The following RANBP17 variants were observed in gnomAD, a reference collection of about 807,000 sequenced individuals.
The protein encoded by RANBP17 is RAN binding protein 17.
RANBP17 carries 158 observed loss-of-function variants against 141.2 expected under a neutral mutation model. The observed-to-expected ratio is 1.12, with a 90% confidence interval of 0.98 to 1.28. The LOEUF is 1.28. Ranked by LOEUF, RANBP17 falls within the 50% of genes most tolerant of loss-of-function variation. The pLI is 0.00. For missense variants in RANBP17, 1,438 were observed against 1,290.7 expected (o/e 1.11, Z -1.75); for synonymous variants, 430 against 450.0 (o/e 0.96, Z 0.56).
chr5:171,145,433 C>G (rs1249876595), intron 14 of RANBP17, among the ~76,000 whole-genome samples: 2 of 151,974 alleles, frequency 1.3e-5, no homozygotes, highest in Non-Finnish European at 2.9e-5. Flanking sequence ...GAAGCAGAAA[C>G]TTTTCTTTAG....
chr5:170,912,749 G>A (rs1038789386), intron 7 of RANBP17, among the ~76,000 whole-genome samples: 1 of 151,780 alleles, frequency 6.6e-6, no homozygotes. Context: ...GAGGTGTGAC[G>A]GTTAGGAGTT....
intron 14 of RANBP17, among the ~76,000 whole-genome samples, chr5:171,035,737 G>GTTTTTTTTTTTTTTTTTTTTT (rs781327156): frequency 2.1e-5 from 2 of 95,456 alleles, no homozygotes; most frequent in Non-Finnish European, 4.9e-5. Flanking sequence ...TTCTTTTTTT[G>GTTTTTTTTTTTTTTTTTTTTT]TTTTTTTTTT....
intron 14 of RANBP17, among the ~76,000 whole-genome samples, chr5:171,063,863 A>T: frequency 6.6e-6 from 1 of 152,336 alleles, no homozygotes; most frequent in East Asian, 1.9e-4. Context: ...AGCCTGGGCA[A>T]TGGCGGGCGC....
In RANBP17 at chr5:171,181,841, G is replaced by A. The variant is rs79770554; in HGVS notation, c.1866-1326G>A. 9.2e-5 allele frequency among the ~76,000 whole-genome samples: 14 copies of A among 152,234 alleles called. No homozygotes were observed. In the East Asian group the frequency reaches 2.1e-3, roughly 23 times the overall value. The stretch of plus-strand genomic sequence containing the variant: ...GAATTCTCTGCATCTTTCTTTTTCC[G>A]TGATTGATAATTGGCAAAGACATTT... On this transcript the variant is annotated intron_variant, in intron 16 of 27. Transcript: ENST00000523189.
intron 14 of RANBP17, among the ~76,000 whole-genome samples, chr5:171,139,756 C>T (rs750044855): frequency 1.3e-5 from 2 of 152,208 alleles, no homozygotes; most frequent in Non-Finnish European, 2.9e-5. Flanking sequence ...CGCCCACTTT[C>T]AGCCTACTAT....
chr5:171,196,267 A>G (rs887542486), intron 18 of RANBP17, among the ~76,000 whole-genome samples: 3 of 152,162 alleles, frequency 2.0e-5, no homozygotes, highest in Non-Finnish European at 4.4e-5. Flanking sequence ...TGCTGTTCAC[A>G]TTACTGTATT....
At chr5:171,075,033 AT>A (rs1431256966) in intron 14 of RANBP17, among the ~76,000 whole-genome samples, 1 of 151,766 alleles carries the variant, frequency 6.6e-6, no homozygotes, top group Non-Finnish European at 1.5e-5. Flanking sequence ...CGGCTGCAAA[AT>A]TTTTTTTTGT....
intron 14 of RANBP17, chr5:170,983,252 G>A (rs748424870): frequency 7.8e-5 from 22 of 283,834 alleles, no homozygotes; most frequent in Non-Finnish European, 1.4e-4. Flanking sequence ...GAAGGTCATA[G>A]GTGTTTTGTT....
At chr5:171,057,838 A>G (rs1226174073) in intron 14 of RANBP17, among the ~76,000 whole-genome samples, 2 of 152,102 alleles carry the variant, frequency 1.3e-5, no homozygotes, top group South Asian at 2.1e-4. Context: ...CACTATCACA[A>G]GAACAGCATG....
intron 3 of RANBP17, among the ~76,000 whole-genome samples, chr5:170,885,129 A>G (rs1030931599): frequency 6.6e-6 from 1 of 152,164 alleles, no homozygotes; most frequent in Non-Finnish European, 1.5e-5. Context: ...GAATTTTAGC[A>G]TACTTTTAAT....
intron 14 of RANBP17, among the ~76,000 whole-genome samples, chr5:171,056,572 A>T (rs1232494190): frequency 1.3e-5 from 2 of 152,172 alleles, no homozygotes; most frequent in Non-Finnish European, 2.9e-5. Flanking sequence ...AAACAAATAC[A>T]TCCCCAGGAA....
At chr5:171,113,636 GAT>G (rs1176913303) in intron 14 of RANBP17, among the ~76,000 whole-genome samples, 2 of 152,082 alleles carry the variant, frequency 1.3e-5, no homozygotes, top group African/African-American at 4.8e-5. Flanking sequence ...GAAGTTAAGT[GAT>G]ATCCTGAAGT....
chr5:171,046,804 T>C (rs1581483565), intron 14 of RANBP17, among the ~76,000 whole-genome samples: 1 of 152,268 alleles, frequency 6.6e-6, no homozygotes, highest in East Asian at 1.9e-4. Context: ...TCATTTGTAA[T>C]CTTTGCAAGT....
intron 14 of RANBP17, among the ~76,000 whole-genome samples, chr5:171,055,494 A>G (rs1005186731): frequency 2.0e-5 from 3 of 152,192 alleles, no homozygotes; most frequent in African/African-American, 2.4e-5. Flanking sequence ...TATAAAGTTC[A>G]GCAAGAATAA....
At chr5:170,931,015 A>G (rs1773326503) in intron 12 of RANBP17, among the ~76,000 whole-genome samples, 1 of 152,210 alleles carries the variant, frequency 6.6e-6, no homozygotes, top group African/African-American at 2.4e-5. Context: ...GAACTAGTTT[A>G]CAGTCCCACC....
At chr5:171,256,086 A>C (rs1765872650) in intron 24 of RANBP17, among the ~76,000 whole-genome samples, 1 of 152,206 alleles carries the variant, frequency 6.6e-6, no homozygotes, top group South Asian at 2.1e-4. Context: ...TGGCAGTAGA[A>C]AGACCACATT....
intron 13 of RANBP17, among the ~76,000 whole-genome samples, chr5:170,967,537 G>T (rs1264208246): frequency 1.3e-5 from 2 of 151,294 alleles, no homozygotes; most frequent in Admixed American, 6.6e-5. Context: ...TCTGCACTAA[G>T]TTTTTCATTA....
chr5:171,011,313 G>A (rs1054740653), intron 14 of RANBP17, among the ~76,000 whole-genome samples: 1 of 151,944 alleles, frequency 6.6e-6, no homozygotes, highest in African/African-American at 2.4e-5. Context: ...TTTATTATCA[G>A]AAATGACCAG....
chr5:171,293,753 C>T (rs917190292), intron 25 of RANBP17, 130 bp from the exon 26 acceptor site: 38 of 714,124 alleles, frequency 5.3e-5, no homozygotes, highest in East Asian at 1.3e-4. Context: ...GAGTCTAGTC[C>T]GTTTGTCCAG....
Sources: allele counts gnomAD v4.1 joint callset (sites outside exome capture counted in the v4.1 genomes callset), GRCh38; gene constraint gnomAD v4.1.1; transcripts MANE v1.5; gene names NCBI Gene and HGNC (gene_info 2026-07-23, HGNC 2026-07-21).